Variants in ATIC observed in about 807,000 individuals in gnomAD.
The protein encoded by ATIC is 5-aminoimidazole-4-carboxamide ribonucleotide formyltransferase/IMP cyclohydrolase.
In ATIC, 64 loss-of-function variants were observed where a neutral mutation model predicts 72.5. The observed-to-expected ratio is 0.88, with a 90% confidence interval of 0.72 to 1.09. The LOEUF (loss-of-function observed/expected upper bound fraction) is 1.09. Ranked by LOEUF, ATIC falls within the 50% of genes least tolerant of loss-of-function variation. The pLI is 0.00. For missense variants in ATIC, 787 were observed against 732.4 expected (o/e 1.07, Z -0.86); for synonymous variants, 281 against 267.1 (o/e 1.05, Z -0.51).
intron 7 of ATIC, among the ~76,000 whole-genome samples, chr2:215,331,615 C>T (rs2052895819): frequency 1.3e-5 from 2 of 152,202 alleles, no homozygotes; most frequent in African/African-American, 4.8e-5. Context: ...AACTCCTGAC[C>T]TTGTGATCCA....
chr2:215,324,485 T>C (rs2052801338), intron 4 of ATIC, among the ~76,000 whole-genome samples: 1 of 152,214 alleles, frequency 6.6e-6, no homozygotes, highest in South Asian at 2.1e-4. Context: ...AGTTTTCTTG[T>C]GACATTTGTC....
At chr2:215,339,400 C>T (rs2052993118) in intron 12 of ATIC, among the ~76,000 whole-genome samples, 1 of 152,046 alleles carries the variant, frequency 6.6e-6, no homozygotes, top group South Asian at 2.1e-4. Flanking sequence ...CCTGTAGGTC[C>T]AGCTACTCGA....
At chr2:215,354,983 A>T in the ATIC span, among the ~76,000 whole-genome samples, 1 of 151,996 alleles carries the variant, frequency 6.6e-6, no homozygotes, top group Non-Finnish European at 1.5e-5. Context: ...CAATAAGAGC[A>T]ACCATTCTTC....
intron 9 of ATIC, 129 bp downstream of exon 9, chr2:215,333,586 G>T: frequency 1.7e-6 from 1 of 605,812 alleles, no homozygotes; most frequent in Admixed American, 3.2e-5. Flanking sequence ...TGAAATTAAG[G>T]ACTTCTATCT....
chr2:215,330,323 G>T (rs2052877126), intron 7 of ATIC, among the ~76,000 whole-genome samples: 1 of 152,072 alleles, frequency 6.6e-6, no homozygotes, highest in African/African-American at 2.4e-5. Flanking sequence ...TTGGTTGGGG[G>T]AATTATTTTT....
chr2:215,326,243 T>C, intron 6 of ATIC, 105 bp downstream of exon 6: 1 of 1,392,038 alleles, frequency 7.2e-7, no homozygotes, highest in South Asian at 1.2e-5. Context: ...TACCAAAGCT[T>C]TGCTTGGAGC....
At chr2:215,318,094 T>C in intron 2 of ATIC, 63 bp from the exon 3 acceptor site, 1 of 1,419,780 alleles carries the variant, frequency 7.0e-7, no homozygotes, top group South Asian at 1.1e-5. Context: ...AGTAGATGCT[T>C]TGAATAGTGA....
chr2:215,312,249 C>G, intron 1 of ATIC, 88 bp downstream of exon 1: 1 of 1,462,238 alleles, frequency 6.8e-7, no homozygotes, highest in South Asian at 1.4e-5. Context: ...GGACCCGGCA[C>G]TGCAGGGGCG....
At chr2:215,344,908 T>C in intron 13 of ATIC, 37 bp downstream of exon 13, 1 of 1,577,036 alleles carries the variant, frequency 6.3e-7, no homozygotes, top group South Asian at 1.1e-5. Flanking sequence ...GGGGGACTGT[T>C]GTTTTACGAA....
intron 2 of ATIC, among the ~76,000 whole-genome samples, chr2:215,313,061 C>CA (rs1400475248): frequency 2.0e-5 from 3 of 152,322 alleles, no homozygotes; most frequent in Admixed American, 2.0e-4. Flanking sequence ...GGCACTACTG[C>CA]ACTCCATCCT....
chr2:215,348,432 T>G (rs955246453), intron 14 of ATIC, among the ~76,000 whole-genome samples: 3 of 152,162 alleles, frequency 2.0e-5, no homozygotes, highest in Admixed American at 2.0e-4. Context: ...AAGTAGTAGA[T>G]ACGAAGTAGA....
At chr2:215,361,888 T>C in the ATIC span, 5 of 1,526,840 alleles carry the variant, frequency 3.3e-6, no homozygotes, top group Non-Finnish European at 3.6e-6. Context: ...ATTAAAACAC[T>C]TGGTTCATTC....
intron 8 of ATIC, among the ~76,000 whole-genome samples, chr2:215,332,914 G>T (rs748228257): frequency 2.0e-5 from 3 of 152,122 alleles, no homozygotes; most frequent in Non-Finnish European, 4.4e-5. Flanking sequence ...CATGAACTCC[G>T]CAATTGAGTT....
At chr2:215,318,371 G>A in intron 3 of ATIC, 138 bp downstream of exon 3, 2 of 824,774 alleles carry the variant, frequency 2.4e-6, no homozygotes, top group Non-Finnish European at 2.0e-6. Flanking sequence ...GTTGCTGCCA[G>A]ATTTCATAAT....
rs2053058028 is a variant in ATIC, at chr2:215,345,003, G to C, written c.1320+132G>C. The C allele has an allele frequency of 4.1e-6, 4 of 985,936 alleles. No homozygotes were observed. The East Asian group carries it at 1.0e-4, about 26-fold the overall frequency. 61.1% of individuals were successfully genotyped at this position (985,936 alleles called of 1,614,324 possible). A position where few individuals can be genotyped will look rare whatever the true frequency, so the allele number is the denominator to read the frequency against. The stretch of plus-strand genomic sequence containing the variant: ...AAATGTTTGTCTTTTGTGTTTGTCA[G>C]TGTTTCCTCAGTACCCTGGTGGGCT... On this transcript the variant is annotated intron_variant, in intron 13 of 15. Transcript: ENST00000236959.
Position 215,325,112 on chromosome 2 carries a change from C to T in ATIC, c.291-129C>T, listed in dbSNP as rs1490705922. ...CGTTAGAATTCTAAAATGTCAGGCT[C>T]ACAGTTTATATATTAGTTCTCTATG... On this transcript the variant is annotated intron_variant, in intron 4 of 15. Coordinates refer to ENST00000236959, the MANE Select transcript of ATIC (RefSeq NM_004044.7). 1.7e-5 allele frequency: 12 copies of T among 721,486 alleles called. No individual in the cohort carries two copies. In the African/African-American group the frequency reaches 1.8e-4, roughly 11 times the overall value. The allele number at this position is 721,486 out of a possible 1,614,324, so 44.7% of individuals were successfully genotyped here.
chr2:215,336,157 G>T (rs746991523), intron 11 of ATIC, 33 bp downstream of exon 11: 1 of 1,496,188 alleles, frequency 6.7e-7, no homozygotes, highest in Non-Finnish European at 9.3e-7. Context: ...GCGGTAATTT[G>T]CTCTTTTATT....
rs1553574963 is a variant in ATIC, at chr2:215,348,966, A to AAT, written c.1504-127_1504-126insTA. On this transcript the variant is annotated intron_variant, in intron 14 of 15. Transcript: ENST00000236959. ...TGCAAAACTCCGTCTAAAAAAAAAA[A>AAT]AATAATAATAATAATAAAAACAAGT... 4.9e-4 allele frequency: 334 copies of AAT among 681,504 alleles called. 1 individual carries two copies. Among genetic ancestry groups the AAT allele is most frequent in the African/African-American group, 4.7e-3 (249 of 52,930 alleles). The allele number at this position is 681,504 out of a possible 1,614,324, so 42.2% of individuals were successfully genotyped here.
At chr2:215,365,806 ATTTT>A in the ATIC span, 517 of 251,880 alleles carry the variant, frequency 2.1e-3, 2 homozygotes, top group African/African-American at 0.011. Context: ...TTTACTTTTT[ATTTT>A]TTTTTTTTTT....
Sources: gnomAD v4.1 joint callset for allele counts (sites outside exome capture counted in the v4.1 genomes callset) on GRCh38, gnomAD v4.1.1 for gene constraint, MANE v1.5 for transcripts, NCBI Gene and HGNC (gene_info 2026-07-23, HGNC 2026-07-21) for gene names.